Variants in NKAIN2 observed in about 807,000 individuals in gnomAD.
NKAIN2 encodes sodium/potassium transporting ATPase interacting 2, also known as sodium/potassium-transporting ATPase subunit beta-1-interacting protein 2.
Under a neutral mutation model 32.6 loss-of-function variants are expected in NKAIN2, and 14 were observed. The observed-to-expected ratio is 0.43, with a 90% CI of 0.28 to 0.67. The LOEUF is 0.67. Ranked by LOEUF, NKAIN2 falls within the 30% of genes least tolerant of loss-of-function variation. The probability of loss-of-function intolerance (pLI) is 0.17; values close to 1 mark genes in which losing one functional copy is unlikely to be tolerated. For synonymous variants in NKAIN2, 80 were observed against 87.2 expected (o/e 0.92, Z 0.46); for missense variants, 198 against 258.3 (o/e 0.77, Z 1.60).
chr6:124,166,701 G>T (rs1380403839), intron 1 of NKAIN2, among the ~76,000 whole-genome samples: 1 of 151,826 alleles, frequency 6.6e-6, no homozygotes, highest in African/African-American at 2.4e-5. Flanking sequence ...TGTATAAGGT[G>T]TAAGGAAGGG....
intron 1 of NKAIN2, among the ~76,000 whole-genome samples, chr6:124,240,078 A>G (rs2114768075): frequency 6.6e-6 from 1 of 152,226 alleles, no homozygotes; most frequent in South Asian, 2.1e-4. Flanking sequence ...TACTGATCCC[A>G]TAGAAATACA....
chr6:124,646,771 T>G (rs1002288759), intron 3 of NKAIN2, among the ~76,000 whole-genome samples: 1 of 151,976 alleles, frequency 6.6e-6, no homozygotes, highest in East Asian at 1.9e-4. Flanking sequence ...GCTAACATGG[T>G]GAAACCTCAT....
intron 1 of NKAIN2, among the ~76,000 whole-genome samples, chr6:124,020,639 T>C (rs1780821338): frequency 6.6e-6 from 1 of 152,140 alleles, no homozygotes; most frequent in African/African-American, 2.4e-5. Flanking sequence ...TAAAAACATA[T>C]AAAATTTAAA....
chr6:124,001,205 T>A lies in NKAIN2; in HGVS notation c.54+196951T>A, dbSNP rs547054214. On this transcript the variant is annotated intron_variant, in intron 1 of 6. Coordinates refer to ENST00000368417, the MANE Select transcript of NKAIN2 (RefSeq NM_001040214.3). ...GTGACTTTAGTTTGTAAACTTTTTTTTTTTGGCTCTTTAAAGGGAATAGCT... is the reference window on the plus strand; with the variant it reads ...GTGACTTTAGTTTGTAAACTTTTTTATTTTGGCTCTTTAAAGGGAATAGCT... 2.9e-3 allele frequency among the ~76,000 whole-genome samples: 445 copies of A among 152,182 alleles called. 2 individuals are homozygous for A. Among genetic ancestry groups the A allele is most frequent in the African/African-American group, 0.011 (437 of 41,544 alleles).
intron 4 of NKAIN2, among the ~76,000 whole-genome samples, chr6:124,713,606 G>A (rs548642001): frequency 2.0e-5 from 3 of 152,252 alleles, no homozygotes; most frequent in African/African-American, 4.8e-5. Flanking sequence ...CCCAAAAAAC[G>A]GAGATGGGAG....
chr6:124,576,714 G>T (rs1218116632), intron 3 of NKAIN2, among the ~76,000 whole-genome samples: 2 of 152,116 alleles, frequency 1.3e-5, no homozygotes, highest in African/African-American at 4.8e-5. Flanking sequence ...AAAGTTCACT[G>T]ATAGGGTTGT....
intron 3 of NKAIN2, among the ~76,000 whole-genome samples, chr6:124,535,724 T>C (rs922462331): frequency 5.3e-5 from 8 of 152,178 alleles, no homozygotes; most frequent in African/African-American, 1.9e-4. Context: ...GCCATGTAAG[T>C]TTGATTCTGA....
chr6:124,296,479 A>G (rs979069095), intron 2 of NKAIN2, among the ~76,000 whole-genome samples: 5 of 152,138 alleles, frequency 3.3e-5, no homozygotes, highest in African/African-American at 4.8e-5. Flanking sequence ...TTATAATTTC[A>G]TTTACAAGAA....
chr6:123,839,877 C>T (rs140627748), intron 1 of NKAIN2, among the ~76,000 whole-genome samples: 258 of 152,158 alleles, frequency 1.7e-3, no homozygotes, highest in African/African-American at 6.2e-3. Context: ...GCAAATGTTA[C>T]AGAAAACATG....
intron 2 of NKAIN2, among the ~76,000 whole-genome samples, chr6:124,352,752 A>G (rs1245226060): frequency 6.6e-6 from 1 of 152,206 alleles, no homozygotes; most frequent in African/African-American, 2.4e-5. Flanking sequence ...TAATCAGTTA[A>G]GTCATTGAAA....
At chr6:124,366,769 A>C (rs964360693) in intron 3 of NKAIN2, among the ~76,000 whole-genome samples, 2 of 151,872 alleles carry the variant, frequency 1.3e-5, no homozygotes, top group African/African-American at 4.8e-5. Context: ...GCTACCAAAA[A>C]TACAAAAAAT....
At chr6:124,330,561 A>G (rs1430188525) in intron 2 of NKAIN2, among the ~76,000 whole-genome samples, 2 of 152,218 alleles carry the variant, frequency 1.3e-5, no homozygotes, top group Admixed American at 6.5e-5. Flanking sequence ...GTGCATAACC[A>G]TGAGACACCT....
At chr6:123,952,106 C>T (rs150222217) in intron 1 of NKAIN2, among the ~76,000 whole-genome samples, 60 of 152,058 alleles carry the variant, frequency 3.9e-4, no homozygotes, top group Middle Eastern at 3.4e-3. Context: ...AATAATCTTA[C>T]GTTTTGCTTG....
At chr6:124,661,073 G>A (rs555908921) in intron 4 of NKAIN2, among the ~76,000 whole-genome samples, 33 of 152,272 alleles carry the variant, frequency 2.2e-4, no homozygotes, top group African/African-American at 7.9e-4. Flanking sequence ...CTGGCATCTA[G>A]AGAAGCAAAG....
chr6:124,424,511 C>G (rs1774897882), intron 3 of NKAIN2, among the ~76,000 whole-genome samples: 1 of 152,284 alleles, frequency 6.6e-6, no homozygotes, highest in East Asian at 1.9e-4. Flanking sequence ...ACTTCTTCAT[C>G]CTACATAAAT....
intron 3 of NKAIN2, among the ~76,000 whole-genome samples, chr6:124,558,424 T>C (rs1339266811): frequency 6.6e-6 from 1 of 152,208 alleles, no homozygotes. Context: ...TTTTCATCGT[T>C]GTTTTCCTTT....
chr6:124,623,222 C>T (rs2114264360), intron 3 of NKAIN2, among the ~76,000 whole-genome samples: 1 of 152,198 alleles, frequency 6.6e-6, no homozygotes, highest in East Asian at 1.9e-4. Context: ...TAGTTTCTGA[C>T]CATTTTATCT....
intron 3 of NKAIN2, among the ~76,000 whole-genome samples, chr6:124,476,106 G>A (rs552306704): frequency 6.2e-5 from 9 of 145,734 alleles, no homozygotes; most frequent in South Asian, 4.6e-4. Context: ...GTGCGTGCGC[G>A]CGCGCATGCA....
chr6:123,872,497 T>G (rs9490981), intron 1 of NKAIN2, among the ~76,000 whole-genome samples: 47,639 of 152,088 alleles, frequency 0.31, 8,339 homozygotes, highest in East Asian at 0.59. Context: ...ATGGAAAGCC[T>G]TGAGTGCTGG....
Sources: gnomAD v4.1 joint callset for allele counts (sites outside exome capture counted in the v4.1 genomes callset) on GRCh38, gnomAD v4.1.1 for gene constraint, MANE v1.5 for transcripts, NCBI Gene and HGNC (gene_info 2026-07-23, HGNC 2026-07-21) for gene names.